Variants in FAM89B observed in about 807,000 individuals in gnomAD.
The protein encoded by FAM89B is family with sequence similarity 89 member B, also known as leucine repeat adapter protein 25.
Under a neutral mutation model 13.4 loss-of-function variants are expected in FAM89B, and 9 were observed. That is an observed-to-expected ratio of 0.67 (90% CI 0.40 to 1.17). The LOEUF (loss-of-function observed/expected upper bound fraction) is 1.17. Among genes scored for constraint, FAM89B ranks in the 50% most tolerant of loss-of-function variants. FAM89B has a pLI of 0.01. For synonymous variants in FAM89B, 138 were observed against 121.2 expected (o/e 1.14, Z -0.91); for missense variants, 256 against 256.1 (o/e 1.00, Z 0.00).
Position 65,573,660 on chromosome 11 carries a change from GCATGCACC to G in FAM89B, c.*26_*33del. The stretch of plus-strand genomic sequence containing the variant: ...CCTCTGAAGGGCTGGGGGGCAGGGG[GCATGCACC>G]CATGCAAAAGGCTCAGAAACTCCCC... On this transcript the variant is annotated 3_prime_UTR_variant, in exon 2 of 2. Coordinates refer to ENST00000530349, the MANE Select transcript of FAM89B (RefSeq NM_001098785.2). 1 of 1,575,954 alleles carries G rather than the reference GCATGCACC, an allele frequency of 6.3e-7. No homozygotes were observed. The highest frequency in any genetic ancestry group is 8.6e-7 in the Non-Finnish European group (1 of 1,163,726).
In FAM89B at chr11:65,572,871, G is replaced by C; in HGVS notation, c.202G>C (p.Ala68Pro). ...CCGCGCCCCGGACGGGCCCCGCCACGCCGCCGGCGCCGCCAACGCGGGACC... is the reference window on the plus strand; with the variant it reads ...CCGCGCCCCGGACGGGCCCCGCCACCCCGCCGGCGCCGCCAACGCGGGACC... ...AARAPDGPRH[A>P]AGAANAGPAA... is the part of the protein sequence containing the mutation. The change falls in exon 1 of 2, where the codon GCC (alanine) becomes CCC (proline). Residue 68 changes from alanine (A) to proline (P), a missense_variant. Coordinates refer to ENST00000530349, the MANE Select transcript of FAM89B (RefSeq NM_001098785.2). The C allele has an allele frequency of 8.3e-7, 1 of 1,197,960 alleles. No individual in the cohort carries two copies. The highest frequency in any genetic ancestry group is 1.0e-6 in the Non-Finnish European group (1 of 969,776). 74.2% of individuals were successfully genotyped at this position (1,197,960 alleles called of 1,614,324 possible). A position where few individuals can be genotyped will look rare whatever the true frequency, so the allele number is the denominator to read the frequency against.
At chr11:65,573,053 C>A in intron 1 of FAM89B, 93 bp downstream of exon 1, 1 of 1,149,762 alleles carries the variant, frequency 8.7e-7, no homozygotes. Context: ...AGAGGACTTG[C>A]AGGCACCAGT....
Position 65,573,372 on chromosome 11 carries a change from C to A in FAM89B, c.301C>A (p.Arg101=). 1 of 1,554,564 alleles carries A rather than the reference C, an allele frequency of 6.4e-7. No homozygotes were observed. The highest frequency in any genetic ancestry group is 1.2e-5 in the South Asian group (1 of 83,182). ...AALRKEMVGL[R]QLDMSLLCQL... ...CCTCAGTTGTCTGCAGGTGGGGCTGCGGCAGTTGGACATGTCCTTGTTGTG... is the reference window on the plus strand; with the variant it reads ...CCTCAGTTGTCTGCAGGTGGGGCTGAGGCAGTTGGACATGTCCTTGTTGTG... The change falls in exon 2 of 2, where the codon CGG becomes AGG. Residue 101 remains arginine, a synonymous_variant. Transcript: ENST00000530349.
intron 1 of FAM89B, 69 bp from the exon 2 acceptor site, chr11:65,573,294 A>G (rs1405622412): frequency 7.2e-7 from 1 of 1,383,964 alleles, no homozygotes; most frequent in East Asian, 2.8e-5. Flanking sequence ...GGGGCCCACT[A>G]TTCCAGGGGG....
chr11:65,573,655 AG>A lies in FAM89B; in HGVS notation c.*19del. 3 of 1,591,054 alleles carry A rather than the reference AG, an allele frequency of 1.9e-6. No individual in the cohort carries two copies. The highest frequency in any genetic ancestry group is 2.6e-6 in the Non-Finnish European group (3 of 1,172,816). The stretch of plus-strand genomic sequence containing the variant: ...ATCAGCCTCTGAAGGGCTGGGGGGC[AG>A]GGGGCATGCACCCATGCAAAAGGCT... On this transcript the variant is annotated 3_prime_UTR_variant, in exon 2 of 2. Transcript: ENST00000530349.
chr11:65,572,950 G>C lies in FAM89B; in HGVS notation c.281G>C (p.Arg94Pro), dbSNP rs1398352943. ...VNLDSALAALRKEMVGLRQLD... is the reference protein window; with the variant it reads ...VNLDSALAALPKEMVGLRQLD... ...CTCGACTCAGCGCTGGCCGCGCTGCGCAAGGAGATGGTGAGTGGGTGGGCG... is the reference window on the plus strand; with the variant it reads ...CTCGACTCAGCGCTGGCCGCGCTGCCCAAGGAGATGGTGAGTGGGTGGGCG... The change falls in exon 1 of 2, where the codon CGC (arginine) becomes CCC (proline). Residue 94 changes from arginine to proline, a missense_variant. Arg to Pro is a moderately radical substitution (Grantham distance 103). Coordinates refer to ENST00000530349, the MANE Select transcript of FAM89B (RefSeq NM_001098785.2). 5 of 1,222,716 alleles carry C rather than the reference G, an allele frequency of 4.1e-6. No individual in the cohort carries two copies. The highest frequency in any genetic ancestry group is 1.6e-5 in the African/African-American group (1 of 63,810). 75.7% of individuals were successfully genotyped at this position (1,222,716 alleles called of 1,614,324 possible).
chr11:65,573,756 G>C lies in FAM89B; in HGVS notation c.*115G>C. ...CCCCCTACCGCCTCACCTCACAGGA[G>C]GGCCAGGCATGTATTCCTCAGAGGC... is the stretch of plus-strand genomic sequence containing the variant. On this transcript the variant is annotated 3_prime_UTR_variant, in exon 2 of 2. Coordinates refer to ENST00000530349, the MANE Select transcript of FAM89B (RefSeq NM_001098785.2). 7.8e-7 allele frequency: 1 copy of C among 1,282,370 alleles called. No individual in the cohort carries two copies. The highest frequency in any genetic ancestry group is 1.5e-5 in the South Asian group (1 of 68,392). 79.4% of individuals were successfully genotyped at this position (1,282,370 alleles called of 1,614,324 possible). A position where few individuals can be genotyped will look rare whatever the true frequency, so the allele number is the denominator to read the frequency against.
At position 65,572,579 on chromosome 11, in the gene FAM89B, C is replaced by A; in HGVS notation, c.-91C>A. ...CCTGCGGGCGGCGGCTGGGCTCCGG[C>A]GGGGCCGCGGGGTGCGGGGCCTGCG... is the stretch of plus-strand genomic sequence containing the variant. On this transcript the variant is annotated 5_prime_UTR_variant, in exon 1 of 2. Coordinates refer to ENST00000530349, the MANE Select transcript of FAM89B (RefSeq NM_001098785.2). 1.5e-6 allele frequency: 2 copies of A among 1,371,944 alleles called. No individual in the cohort carries two copies. Among genetic ancestry groups the A allele is most frequent in the South Asian group, 1.6e-5 (1 of 62,424 alleles). 85.0% of individuals were successfully genotyped at this position (1,371,944 alleles called of 1,614,324 possible).
In FAM89B at chr11:65,572,882, C is replaced by CGCCAACGCG. The variant is rs1262158099; in HGVS notation, c.215_223dup (p.Ala72_Ala74dup). On this transcript the variant is annotated inframe_insertion, in exon 1 of 2. Coordinates refer to ENST00000530349, the MANE Select transcript of FAM89B (RefSeq NM_001098785.2). The stretch of plus-strand genomic sequence containing the variant: ...ACGGGCCCCGCCACGCCGCCGGCGC[C>CGCCAACGCG]GCCAACGCGGGACCCGCAGCCGGCC... 1 of 1,206,300 alleles carries CGCCAACGCG rather than the reference C, an allele frequency of 8.3e-7. No homozygotes were observed. Among genetic ancestry groups the CGCCAACGCG allele is most frequent in the African/African-American group, 1.6e-5 (1 of 62,780 alleles). 74.7% of individuals were successfully genotyped at this position (1,206,300 alleles called of 1,614,324 possible).
chr11:65,572,942 C>G lies in FAM89B; in HGVS notation c.273C>G (p.Ala91=). Residue 91 remains alanine (A), a synonymous_variant, in exon 1 of 2, where the codon GCC becomes GCG. Transcript: ENST00000530349. ...CTGTCAACCTCGACTCAGCGCTGGC[C>G]GCGCTGCGCAAGGAGATGGTGAGTG... ...RRPVNLDSAL[A]ALRKEMVGLR... is the part of the protein sequence containing the mutation. 1.6e-6 allele frequency: 2 copies of G among 1,222,796 alleles called. No individual in the cohort carries two copies. The highest frequency in any genetic ancestry group is 2.0e-6 in the Non-Finnish European group (2 of 982,890). The allele number at this position is 1,222,796 out of a possible 1,614,324, so 75.7% of individuals were successfully genotyped here.
rs749533394 is a variant in FAM89B at position 65,573,378 on chromosome 11, T to C, written c.307T>C (p.Leu103=). 2 of 1,560,686 alleles carry C rather than the reference T, an allele frequency of 1.3e-6. No homozygotes were observed. The highest frequency in any genetic ancestry group is 2.4e-5 in the South Asian group (2 of 84,926). The change falls in exon 2 of 2, where the codon TTG becomes CTG. Residue 103 remains leucine (L), a synonymous_variant. Transcript: ENST00000530349. ...TTGTCTGCAGGTGGGGCTGCGGCAGTTGGACATGTCCTTGTTGTGCCAGCT... is the reference window on the plus strand; with the variant it reads ...TTGTCTGCAGGTGGGGCTGCGGCAGCTGGACATGTCCTTGTTGTGCCAGCT... The part of the protein sequence containing the change: ...LRKEMVGLRQ[L]DMSLLCQLWG...
In FAM89B at chr11:65,573,389, CTTG is replaced by C. The variant is rs771624888; in HGVS notation, c.323_325del (p.Leu108del). ...TGGGGCTGCGGCAGTTGGACATGTCCTTGTTGTGCCAGCTGTGGGGCCTGTACG... is the reference window on the plus strand; with the variant it reads ...TGGGGCTGCGGCAGTTGGACATGTCCTTGTGCCAGCTGTGGGGCCTGTACG... On this transcript the variant is annotated inframe_deletion, in exon 2 of 2. Transcript: ENST00000530349. 5 of 1,576,944 alleles carry C rather than the reference CTTG, an allele frequency of 3.2e-6. No individual in the cohort carries two copies. In the African/African-American group the frequency reaches 4.0e-5, roughly 13 times the overall value.
rs1416105828 is a variant in FAM89B at position 65,573,678 on chromosome 11, G to A, written c.*37G>A. ...GCAGGGGGCATGCACCCATGCAAAA[G>A]GCTCAGAAACTCCCCCTCCGGCAAG... On this transcript the variant is annotated 3_prime_UTR_variant, in exon 2 of 2. Coordinates refer to ENST00000530349, the MANE Select transcript of FAM89B (RefSeq NM_001098785.2). The A allele has an allele frequency of 6.5e-7, 1 of 1,549,868 alleles. No homozygotes were observed. Among genetic ancestry groups the A allele is most frequent in the South Asian group, 1.2e-5 (1 of 85,190 alleles).
At chr11:65,573,165 T>G (rs942222472) in intron 1 of FAM89B, among the ~76,000 whole-genome samples, 198 bp from the exon 2 acceptor site, 1 of 152,262 alleles carries the variant, frequency 6.6e-6, no homozygotes, top group Non-Finnish European at 1.5e-5. Context: ...CTTCATTTCA[T>G]CCGGCTAAAT....
At position 65,573,789 on chromosome 11, in the gene FAM89B, C is replaced by T; in HGVS notation, c.*148C>T. On this transcript the variant is annotated 3_prime_UTR_variant, in exon 2 of 2. Transcript: ENST00000530349. The stretch of plus-strand genomic sequence containing the variant: ...CATGTATTCCTCAGAGGCGAAACTG[C>T]CAAACTCTTTCTCCTGTCTTGGGTT... 3 of 979,452 alleles carry T rather than the reference C, an allele frequency of 3.1e-6. No individual in the cohort carries two copies. The South Asian group carries it at 5.1e-5, about 17-fold the overall frequency. The allele number at this position is 979,452 out of a possible 1,614,324, so 60.7% of individuals were successfully genotyped here.
In FAM89B at chr11:65,573,530, C is replaced by A; in HGVS notation, c.459C>A (p.Asp153Glu). The A allele has an allele frequency of 6.2e-7, 1 of 1,614,106 alleles. No individual in the cohort carries two copies. Among genetic ancestry groups the A allele is most frequent in the Admixed American group, 1.7e-5 (1 of 60,032 alleles). Residue 153 changes from aspartate (D) to glutamate (E), a missense_variant, in exon 2 of 2, where the codon GAC becomes GAA. By Grantham distance (45) the Asp-to-Glu change is conservative. Transcript: ENST00000530349. ...CACCGGATGCGGGCCTGTCTGACGA[C>A]GAGGAGCCTCCCGATGCCAGCCTGC... ...SYPPDAGLSDDEEPPDASLPP... is the reference protein window; with the variant it reads ...SYPPDAGLSDEEEPPDASLPP...
In FAM89B at chr11:65,572,578, G is replaced by C. The variant is rs986621628; in HGVS notation, c.-92G>C. 2.4e-4 allele frequency: 335 copies of C among 1,375,300 alleles called. 2 individuals carry two copies. The East Asian group carries it at 0.01, about 42-fold the overall frequency. The allele number at this position is 1,375,300 out of a possible 1,614,324, so 85.2% of individuals were successfully genotyped here. A position where few individuals can be genotyped will look rare whatever the true frequency, so the allele number is the denominator to read the frequency against. On this transcript the variant is annotated 5_prime_UTR_variant, in exon 1 of 2. Transcript: ENST00000530349. ...GCCTGCGGGCGGCGGCTGGGCTCCG[G>C]CGGGGCCGCGGGGTGCGGGGCCTGC... is the stretch of plus-strand genomic sequence containing the variant.
chr11:65,572,855 G>A lies in FAM89B; in HGVS notation c.186G>A (p.Pro62=), dbSNP rs963862173. ...HDELSRAARA[P]DGPRHAAGAA... is the part of the protein sequence containing the mutation. ...AGCTGAGCCGCGCCGCCCGCGCCCCGGACGGGCCCCGCCACGCCGCCGGCG... is the reference window on the plus strand; with the variant it reads ...AGCTGAGCCGCGCCGCCCGCGCCCCAGACGGGCCCCGCCACGCCGCCGGCG... Residue 62 remains proline (P), a synonymous_variant, in exon 1 of 2, where the codon CCG becomes CCA. Coordinates refer to ENST00000530349, the MANE Select transcript of FAM89B (RefSeq NM_001098785.2). 33 of 1,197,508 alleles carry A rather than the reference G, an allele frequency of 2.8e-5. No homozygotes were observed. Among genetic ancestry groups the A allele is most frequent in the Non-Finnish European group, 3.3e-5 (32 of 967,542 alleles). The allele number at this position is 1,197,508 out of a possible 1,614,324, so 74.2% of individuals were successfully genotyped here. A position where few individuals can be genotyped will look rare whatever the true frequency, so the allele number is the denominator to read the frequency against.
At chr11:65,573,234 G>A in intron 1 of FAM89B, 129 bp from the exon 2 acceptor site, 5 of 1,182,444 alleles carry the variant, frequency 4.2e-6, no homozygotes, top group Non-Finnish European at 5.6e-6. Flanking sequence ...TGCAGGTGGT[G>A]CCTGATGTCC....
Sources: gnomAD v4.1 joint callset for allele counts (sites outside exome capture counted in the v4.1 genomes callset) on GRCh38, gnomAD v4.1.1 for gene constraint, MANE v1.5 for transcripts, NCBI Gene and HGNC (gene_info 2026-07-23, HGNC 2026-07-21) for gene names.